Variants in MEIS1 observed in about 807,000 individuals in gnomAD.
The protein encoded by MEIS1 is Meis homeobox 1.
MEIS1 carries 5 observed loss-of-function variants against 50.8 expected under a neutral mutation model. The ratio of observed to expected loss-of-function variants is 0.10; its 90% CI spans 0.05 to 0.21. The LOEUF is 0.21. Among genes scored for constraint, MEIS1 ranks in the 10% least tolerant of loss-of-function variants. The pLI is 1.00. For missense variants in MEIS1, 318 were observed against 517.3 expected, an observed-to-expected ratio of 0.61 and a Z score of 3.74; for synonymous variants, 176 against 179.3, an observed-to-expected ratio of 0.98 and a Z score of 0.15.
In MEIS1 at chr2:66,457,379, C is replaced by T. The variant is rs77739220; in HGVS notation, c.631-6730C>T. Among the ~76,000 whole-genome samples, 324 of 152,146 alleles carry T rather than the reference C, an allele frequency of 2.1e-3. 2 individuals are homozygous for T. The highest frequency in any genetic ancestry group is 7.6e-3 in the African/African-American group (314 of 41,506). ...TACAAATGTGAGCCACCAAGCATTT[C>T]AGTACGAGTTTCAGTATGACAAGAC... On this transcript the variant is annotated intron_variant, in intron 6 of 12. Coordinates refer to ENST00000272369, the MANE Select transcript of MEIS1 (RefSeq NM_002398.3).
intron 8 of MEIS1, among the ~76,000 whole-genome samples, chr2:66,525,633 C>G (rs1374250819): frequency 6.6e-6 from 1 of 152,180 alleles, no homozygotes; most frequent in Non-Finnish European, 1.5e-5. Context: ...CATTGGATCC[C>G]TCAAGTACTC....
At chr2:66,482,567 G>A (rs1673043807) in intron 7 of MEIS1, among the ~76,000 whole-genome samples, 1 of 152,204 alleles carries the variant, frequency 6.6e-6, no homozygotes, top group Admixed American at 6.5e-5. Context: ...GACATATGAG[G>A]AAGGATCTTT....
At chr2:66,449,216 G>T (rs1401608872) in intron 6 of MEIS1, among the ~76,000 whole-genome samples, 5 of 151,962 alleles carry the variant, frequency 3.3e-5, no homozygotes, top group Non-Finnish European at 5.9e-5. Context: ...AATCCCGTTG[G>T]GCTTGCTCTT....
At chr2:66,448,845 A>T (rs925460238) in intron 6 of MEIS1, among the ~76,000 whole-genome samples, 12 of 152,164 alleles carry the variant, frequency 7.9e-5, no homozygotes, top group Non-Finnish European at 1.2e-4. Context: ...ATTCAAAATT[A>T]TTTGACTCCA....
intron 7 of MEIS1, among the ~76,000 whole-genome samples, chr2:66,508,680 T>C (rs1295373271): frequency 6.6e-6 from 1 of 152,350 alleles, no homozygotes; most frequent in Admixed American, 6.5e-5. Context: ...GCAGATAATA[T>C]GACATTTTCA....
chr2:66,559,915 G>C (rs1675169390), intron 9 of MEIS1, among the ~76,000 whole-genome samples: 1 of 152,078 alleles, frequency 6.6e-6, no homozygotes, highest in African/African-American at 2.4e-5. Context: ...TCCCACTTCA[G>C]CTTCCCTAGT....
At chr2:66,547,842 G>A in intron 8 of MEIS1, 101 bp from the exon 9 acceptor site, 2 of 1,109,080 alleles carry the variant, frequency 1.8e-6, no homozygotes, top group Non-Finnish European at 2.7e-6. Context: ...ACACACCTCA[G>A]CATTTTTACC....
chr2:66,473,190 C>T (rs913229355), intron 7 of MEIS1, among the ~76,000 whole-genome samples: 3 of 151,356 alleles, frequency 2.0e-5, no homozygotes, highest in African/African-American at 7.3e-5. Context: ...ACCAGCCTGA[C>T]CAACATTGAG....
At chr2:66,437,535 C>CGA (rs1329679405) in intron 1 of MEIS1, 1 of 600,406 alleles carries the variant, frequency 1.7e-6, no homozygotes, top group African/African-American at 1.9e-5. Context: ...TCATCCCAGA[C>CGA]GAGTCTCGCT....
chr2:66,446,082 TG>T (rs1672135939), intron 6 of MEIS1, among the ~76,000 whole-genome samples: 1 of 151,822 alleles, frequency 6.6e-6, no homozygotes, highest in Non-Finnish European at 1.5e-5. Context: ...GGCCTCAGCG[TG>T]GGGCGAGGTC....
At chr2:66,459,965 G>A (rs1672481245) in intron 6 of MEIS1, among the ~76,000 whole-genome samples, 1 of 152,146 alleles carries the variant, frequency 6.6e-6, no homozygotes, top group South Asian at 2.1e-4. Flanking sequence ...TAGCATATAG[G>A]AAATCAAACC....
intron 7 of MEIS1, among the ~76,000 whole-genome samples, chr2:66,500,141 G>A (rs1673514062): frequency 6.6e-6 from 1 of 152,134 alleles, no homozygotes; most frequent in South Asian, 2.1e-4. Flanking sequence ...CTTCAATTGA[G>A]GGTCTTATGA....
In MEIS1 at chr2:66,503,174, A is replaced by T. The variant is rs112645880; in HGVS notation, c.743-8975A>T. On this transcript the variant is annotated intron_variant, in intron 7 of 12. Coordinates refer to ENST00000272369, the MANE Select transcript of MEIS1 (RefSeq NM_002398.3). ...GGCATTGTTTGACAAAATTTACATC[A>T]TATTAGGGCACGCAATGGAGAGGAC... Among the ~76,000 whole-genome samples the T allele has an allele frequency of 3.1e-3, 469 of 152,300 alleles. 1 individual carries two copies. Among genetic ancestry groups the T allele is most frequent in the Non-Finnish European group, 5.3e-3 (362 of 68,032 alleles).
rs1420476873 is a variant in MEIS1 at position 66,572,160 on chromosome 2, C to T, written c.*952C>T. 1.3e-5 allele frequency: 2 copies of T among 152,640 alleles called. No homozygotes were observed. Among genetic ancestry groups the T allele is most frequent in the Non-Finnish European group, 2.9e-5 (2 of 68,450 alleles). The allele number at this position is 152,640 out of a possible 1,614,324, so 9.5% of individuals were successfully genotyped here. A position where few individuals can be genotyped will look rare whatever the true frequency, so the allele number is the denominator to read the frequency against. Reference sequence around the variant, plus strand: ...GCAGTCATCAACAATGATTAATCAGCTGTTGCAGGCAGTGTCTTAAGGAGA... The same window carrying T: ...GCAGTCATCAACAATGATTAATCAGTTGTTGCAGGCAGTGTCTTAAGGAGA... On this transcript the variant is annotated 3_prime_UTR_variant, in exon 13 of 13. Coordinates refer to ENST00000272369, the MANE Select transcript of MEIS1 (RefSeq NM_002398.3).
intron 9 of MEIS1, among the ~76,000 whole-genome samples, chr2:66,559,460 G>A (rs942986672): frequency 6.6e-6 from 1 of 152,240 alleles, no homozygotes; most frequent in Non-Finnish European, 1.5e-5. Flanking sequence ...GCTTTAAATA[G>A]ATACATTTAT....
intron 8 of MEIS1, among the ~76,000 whole-genome samples, chr2:66,519,401 C>A (rs542921535): frequency 5.6e-4 from 85 of 152,062 alleles, no homozygotes; most frequent in African/African-American, 2.0e-3. Context: ...TATTGCTCAC[C>A]CTTCCTTGTG....
intron 8 of MEIS1, among the ~76,000 whole-genome samples, chr2:66,533,876 A>G (rs963160073): frequency 2.6e-5 from 4 of 152,262 alleles, no homozygotes; most frequent in Non-Finnish European, 4.4e-5. Context: ...GAGAATTACA[A>G]GAAAACATTA....
chr2:66,519,482 A>C (rs2103868573), intron 8 of MEIS1, among the ~76,000 whole-genome samples: 1 of 151,950 alleles, frequency 6.6e-6, no homozygotes, highest in East Asian at 1.9e-4. Flanking sequence ...GTCAAGAGCC[A>C]GAGAGTGCGC....
chr2:66,542,059 A>G (rs1240625164), intron 8 of MEIS1, among the ~76,000 whole-genome samples: 3 of 152,210 alleles, frequency 2.0e-5, no homozygotes, highest in African/African-American at 7.2e-5. Flanking sequence ...GGAGGGGAAA[A>G]TGGCTGCAAG....
Sources: gnomAD v4.1 joint callset for allele counts (sites outside exome capture counted in the v4.1 genomes callset) on GRCh38, gnomAD v4.1.1 for gene constraint, MANE v1.5 for transcripts, NCBI Gene and HGNC (gene_info 2026-07-23, HGNC 2026-07-21) for gene names.